Variants in ANAPC1 observed in about 807,000 individuals in gnomAD.
ANAPC1 encodes anaphase promoting complex subunit 1.
Under a neutral mutation model 208.0 loss-of-function variants are expected in ANAPC1, and 36 were observed. That is an observed-to-expected ratio of 0.17 (90% CI 0.13 to 0.23). The LOEUF is 0.23. Ranked by LOEUF, ANAPC1 falls within the 10% of genes least tolerant of loss-of-function variation. The pLI is 1.00. For missense variants in ANAPC1, 942 were observed against 2,011.6 expected (o/e 0.47, Z 10.17); for synonymous variants, 378 against 695.2 (o/e 0.54, Z 7.18).
chr2:111,851,736 G>A (rs980453912), intron 13 of ANAPC1, among the ~76,000 whole-genome samples: 2 of 151,418 alleles, frequency 1.3e-5, no homozygotes, highest in African/African-American at 4.9e-5. Context: ...TGTGAACCCG[G>A]CAGGCAGAAC....
intron 5 of ANAPC1, chr2:111,873,040 T>C (rs1682837964): frequency 6.5e-6 from 3 of 458,522 alleles, no homozygotes; most frequent in South Asian, 3.5e-5. Flanking sequence ...ATATGCCTTA[T>C]TTAATATAAC....
At chr2:111,824,941 T>C (rs750664237) in intron 24 of ANAPC1, 25 bp downstream of exon 24, 9 of 1,613,324 alleles carry the variant, frequency 5.6e-6, no homozygotes, top group Non-Finnish European at 6.8e-6. Context: ...ACGGCCTAGT[T>C]AGGAGGTAAC....
At chr2:111,853,842 G>A (rs1421050069) in intron 13 of ANAPC1, among the ~76,000 whole-genome samples, 11 of 151,726 alleles carry the variant, frequency 7.2e-5, no homozygotes, top group South Asian at 2.1e-4. Flanking sequence ...TCAGCCTCCC[G>A]AGTAGCTGGA....
chr2:111,846,608 C>G (rs1350969123), intron 16 of ANAPC1, among the ~76,000 whole-genome samples: 1 of 113,344 alleles, frequency 8.8e-6, no homozygotes, highest in African/African-American at 3.3e-5. Context: ...CTCACTCTAT[C>G]ACCTAGGCTG....
intron 3 of ANAPC1, among the ~76,000 whole-genome samples, chr2:111,875,727 G>A (rs1254842852): frequency 6.6e-6 from 1 of 152,132 alleles, no homozygotes; most frequent in Non-Finnish European, 1.5e-5. Context: ...TTATATACAA[G>A]GCCCTTTGGT....
chr2:111,821,615 T>C, intron 25 of ANAPC1, 162 bp from the exon 26 acceptor site: 2 of 599,990 alleles, frequency 3.3e-6, no homozygotes, highest in Non-Finnish European at 5.9e-6. Flanking sequence ...ACTGGGACTC[T>C]AATCTACAAA....
intron 2 of ANAPC1, among the ~76,000 whole-genome samples, chr2:111,879,894 C>T (rs7600096): frequency 0.58 from 87,575 of 151,896 alleles, 26,325 homozygotes; most frequent in South Asian, 0.69. Context: ...AAAGCTATTA[C>T]TCTACCTACT....
rs563032578 is a variant in ANAPC1 at position 111,876,271 on chromosome 2, A to AC, written c.375+2538_375+2539insG. Among the ~76,000 whole-genome samples the AC allele has an allele frequency of 2.3e-4, 35 of 151,760 alleles. 1 individual carries two copies. In the East Asian group the frequency reaches 6.2e-3, roughly 27 times the overall value. On this transcript the variant is annotated intron_variant, in intron 3 of 47. Coordinates refer to ENST00000341068, the MANE Select transcript of ANAPC1 (RefSeq NM_022662.4). ...AATGAAAAAATAAAAAGAACAACCA[A>AC]AAAAAAAATACTTGCAGGATAGGTA...
At position 111,843,549 on chromosome 2, in the gene ANAPC1, C is replaced by G. The variant is rs779139146; in HGVS notation, c.1903G>C (p.Val635Leu). The G allele has an allele frequency of 2.5e-6, 4 of 1,611,922 alleles. No individual in the cohort carries two copies. The East Asian group carries it at 8.9e-5, about 36-fold the overall frequency. Reference sequence around the variant, plus strand: ...TTGTACCACTTGACAAGCATCTGAACTGCTATTTCTTTTGGCAGGATAAAC... The same window carrying G: ...TTGTACCACTTGACAAGCATCTGAAGTGCTATTTCTTTTGGCAGGATAAAC... ...IKFILPKEIA[V>L]QMLVKWYNVH... The change falls in exon 17 of 48, where the codon GTT (valine) becomes CTT (leucine). Residue 635 changes from valine to leucine, a missense_variant. Physicochemically the swap from Val to Leu is conservative, Grantham distance 32 (BLOSUM62 1). Coordinates refer to ENST00000341068, the MANE Select transcript of ANAPC1 (RefSeq NM_022662.4).
intron 13 of ANAPC1, among the ~76,000 whole-genome samples, chr2:111,855,862 T>C (rs928557498): frequency 6.6e-6 from 1 of 152,208 alleles, no homozygotes; most frequent in Non-Finnish European, 1.5e-5. Flanking sequence ...ATTATTATTA[T>C]TCAAATTGTA....
At position 111,864,374 on chromosome 2, in the gene ANAPC1, T is replaced by TG. The variant is rs1169231840; in HGVS notation, c.831+431_831+432insC. Among the ~76,000 whole-genome samples, 83 of 93,342 alleles carry TG rather than the reference T, an allele frequency of 8.9e-4. 1 individual carries two copies. The highest frequency in any genetic ancestry group is 2.8e-3 in the African/African-American group (65 of 23,558). 61.2% of individuals were successfully genotyped at this position (93,342 alleles called of 152,430 possible). A position where few individuals can be genotyped will look rare whatever the true frequency, so the allele number is the denominator to read the frequency against. On this transcript the variant is annotated intron_variant, in intron 8 of 47. Transcript: ENST00000341068. ...ATGATGATGATGATGATGATGATGA[T>TG]AATAAAACTATTCACAAGTGATTTT...
chr2:111,830,736 A>G (rs1387864790), intron 21 of ANAPC1, among the ~76,000 whole-genome samples: 3 of 152,264 alleles, frequency 2.0e-5, no homozygotes, highest in African/African-American at 7.2e-5. Context: ...AAAAAGAGTG[A>G]CAATACCAAA....
At position 111,847,134 on chromosome 2, in the gene ANAPC1, G is replaced by A. The variant is rs763864675; in HGVS notation, c.1852+4C>T. 7.5e-6 allele frequency: 12 copies of A among 1,600,768 alleles called. No homozygotes were observed. The highest frequency in any genetic ancestry group is 2.2e-5 in the East Asian group (1 of 44,736). On this transcript the variant is annotated splice_donor_region_variant and intron_variant, in intron 16 of 47. Coordinates refer to ENST00000341068, the MANE Select transcript of ANAPC1 (RefSeq NM_022662.4). ...GTCTTATAAATGAAACTTCTCAATC[G>A]TACCTAACTCAGAGGTGGCAATTTC... is the stretch of plus-strand genomic sequence containing the variant.
downstream of ANAPC1, chr2:111,766,720 A>G: frequency 3.2e-6 from 1 of 309,314 alleles, no homozygotes; most frequent in South Asian, 2.8e-5. Flanking sequence ...ATCCTGGCCC[A>G]CACTCTGACC....
chr2:111,824,212 C>A (rs1391344765), intron 24 of ANAPC1, among the ~76,000 whole-genome samples: 1 of 128,484 alleles, frequency 7.8e-6, no homozygotes, highest in East Asian at 2.3e-4. Context: ...TACTATGCAA[C>A]AGTTATTGTC....
In ANAPC1 at chr2:111,850,548, A is replaced by G. The variant is rs1368918875; in HGVS notation, c.1650+228T>C. Among the ~76,000 whole-genome samples the G allele has an allele frequency of 4.0e-5, 6 of 151,196 alleles. No homozygotes were observed. The East Asian group carries it at 1.2e-3, about 29-fold the overall frequency. ...AGTACATCAACTCCACACAATTGTG[A>G]GATCCCTAGATGGAAAAGAATGTAT... is the stretch of plus-strand genomic sequence containing the variant. On this transcript the variant is annotated intron_variant, in intron 14 of 47. Coordinates refer to ENST00000341068, the MANE Select transcript of ANAPC1 (RefSeq NM_022662.4).
intron 10 of ANAPC1, 32 bp from the exon 11 acceptor site, chr2:111,858,433 A>G (rs1359416858): frequency 1.3e-6 from 2 of 1,566,798 alleles, no homozygotes; most frequent in South Asian, 1.1e-5. Context: ...AGTAACTGTC[A>G]GCACTGGTCC....
chr2:111,826,895 G>A (rs1481911475), intron 21 of ANAPC1, among the ~76,000 whole-genome samples: 3 of 152,018 alleles, frequency 2.0e-5, no homozygotes, highest in Admixed American at 1.3e-4. Context: ...TCCTGACCTC[G>A]TGATCCGCCC....
At position 111,831,324 on chromosome 2, in the gene ANAPC1, G is replaced by A; in HGVS notation, c.2587C>T (p.Leu863Phe). 1 of 1,611,838 alleles carries A rather than the reference G, an allele frequency of 6.2e-7. No individual in the cohort carries two copies. The highest frequency in any genetic ancestry group is 8.5e-7 in the Non-Finnish European group (1 of 1,179,804). ...CTGCTTCTTTCACAGATTCCAGGGA[G>A]GTAAGGATAAGGTGGCATTCCTTCA... The part of the protein sequence containing the change: ...KGEGMPPYPY[L>F]PGICERSRLV... Residue 863 changes from leucine to phenylalanine, a missense_variant, in exon 21 of 48, where the codon CTC (leucine) becomes TTC (phenylalanine). Transcript: ENST00000341068.
Sources: allele counts gnomAD v4.1 joint callset (sites outside exome capture counted in the v4.1 genomes callset), GRCh38; gene constraint gnomAD v4.1.1; transcripts MANE v1.5; gene names NCBI Gene and HGNC (gene_info 2026-07-23, HGNC 2026-07-21).